The following DPP6 variants were observed in gnomAD, a reference collection of about 807,000 sequenced individuals.
The protein encoded by DPP6 is A-type potassium channel modulatory protein DPP6.
In DPP6, 69 loss-of-function variants were observed where a neutral mutation model predicts 122.6. That is an observed-to-expected ratio of 0.56 (90% CI 0.46 to 0.69). The LOEUF (loss-of-function observed/expected upper bound fraction) is 0.69, where lower values mean the gene tolerates loss of function less well. DPP6 is among the 30% of genes least tolerant of loss of function. The pLI is 0.00. For synonymous variants in DPP6, 418 were observed against 433.1 expected, an observed-to-expected ratio of 0.97 and a Z score of 0.43; for missense variants, 928 against 1,116.9, an observed-to-expected ratio of 0.83 and a Z score of 2.41.
chr7:154,543,929 G>C (rs948116048), intron 4 of DPP6, among the ~76,000 whole-genome samples: 1 of 147,940 alleles, frequency 6.8e-6, no homozygotes, highest in Non-Finnish European at 1.5e-5. Flanking sequence ...GAGAGTTGGA[G>C]GTTGCAGTGA....
Position 154,892,553 on chromosome 7 carries a change from C to A in DPP6, c.*73C>A. 6.4e-7 allele frequency: 1 copy of A among 1,572,144 alleles called. No homozygotes were observed. Among genetic ancestry groups the A allele is most frequent in the South Asian group, 1.1e-5 (1 of 87,454 alleles). Reference sequence around the variant, plus strand: ...CAACCGAGGGATTTCCCTGCCCTCCCTCTTCCCTCGGAGGGGCGGGGCGGG... The same window carrying A: ...CAACCGAGGGATTTCCCTGCCCTCCATCTTCCCTCGGAGGGGCGGGGCGGG... On this transcript the variant is annotated 3_prime_UTR_variant, in exon 26 of 26. Transcript: ENST00000377770.
At chr7:154,205,434 G>C (rs4565382) in intron 1 of DPP6, among the ~76,000 whole-genome samples, 149,606 of 152,350 alleles carry the variant, frequency 0.98, 73,466 homozygotes, top group East Asian at 1. Context: ...TGGAGCCATA[G>C]GTGTGTGACC....
intron 1 of DPP6, among the ~76,000 whole-genome samples, chr7:154,360,461 TC>T (rs1332939239): frequency 2.0e-5 from 3 of 152,186 alleles, no homozygotes; most frequent in African/African-American, 7.2e-5. Context: ...TACAAGATGA[TC>T]GTTCCAGACA....
chr7:154,257,320 C>T (rs1802721057), intron 1 of DPP6, among the ~76,000 whole-genome samples: 1 of 151,974 alleles, frequency 6.6e-6, no homozygotes, highest in South Asian at 2.1e-4. Context: ...CCAACCACAC[C>T]CTCCCCATCA....
intron 21 of DPP6, among the ~76,000 whole-genome samples, chr7:154,883,323 T>G (rs1427960588): frequency 8.4e-6 from 1 of 119,014 alleles, no homozygotes; most frequent in African/African-American, 3.3e-5. Flanking sequence ...TGCTCACACA[T>G]ACACATGGTG....
At chr7:153,766,572 A>G in the DPP6 span, among the ~76,000 whole-genome samples, 3 of 152,212 alleles carry the variant, frequency 2.0e-5, no homozygotes, top group Non-Finnish European at 4.4e-5. Context: ...TTTGACAGTG[A>G]AGATACAAGA....
chr7:154,127,638 C>CACACACACACACACACACACACACAG (rs1808014044), intron 1 of DPP6, among the ~76,000 whole-genome samples: 2 of 109,100 alleles, frequency 1.8e-5, no homozygotes, highest in African/African-American at 8.5e-5. Flanking sequence ...CACACAGACA[C>CACACACACACACACACACACACACAG]ACACACACAC....
chr7:154,336,735 C>A (rs1809460558), intron 1 of DPP6, among the ~76,000 whole-genome samples: 1 of 152,080 alleles, frequency 6.6e-6, no homozygotes, highest in South Asian at 2.1e-4. Flanking sequence ...AGGATTGTGG[C>A]AACTGGAAGG....
intron 17 of DPP6, among the ~76,000 whole-genome samples, chr7:154,859,159 T>A (rs543710246): frequency 1.3e-5 from 2 of 152,298 alleles, no homozygotes; most frequent in African/African-American, 4.8e-5. Flanking sequence ...GAGCTGCTGG[T>A]CAAAAATCAC....
chr7:153,868,388 A>T, the DPP6 span, among the ~76,000 whole-genome samples: 1 of 152,116 alleles, frequency 6.6e-6, no homozygotes, highest in Non-Finnish European at 1.5e-5. Context: ...GGGAGGGTGT[A>T]TGTGTCTAGG....
intron 1 of DPP6, among the ~76,000 whole-genome samples, chr7:154,443,473 A>T (rs1819557460): frequency 6.7e-6 from 1 of 148,188 alleles, no homozygotes; most frequent in South Asian, 2.1e-4. Context: ...CTAGATAAAC[A>T]TGTGTTGGAT....
intron 1 of DPP6, among the ~76,000 whole-genome samples, chr7:154,151,457 C>T (rs186222761): frequency 6.6e-6 from 1 of 152,270 alleles, no homozygotes; most frequent in Non-Finnish European, 1.5e-5. Context: ...ATTTTGGTCT[C>T]GACACGGTTC....
chr7:154,446,833 A>C lies in DPP6; in HGVS notation c.358+505A>C, dbSNP rs184786048. Among the ~76,000 whole-genome samples, 966 of 152,336 alleles carry C rather than the reference A, an allele frequency of 6.3e-3. 12 individuals are homozygous for C. The highest frequency in any genetic ancestry group is 0.022 in the African/African-American group (915 of 41,582). ...ACCTACAACAAATACAGATATATAC[A>C]TGCACTATTGAGTAAGCCAAAGAGA... On this transcript the variant is annotated intron_variant, in intron 2 of 25. Coordinates refer to ENST00000377770, the MANE Select transcript of DPP6 (RefSeq NM_130797.4).
At chr7:154,608,860 G>C (rs556697926) in intron 5 of DPP6, among the ~76,000 whole-genome samples, 1 of 152,100 alleles carries the variant, frequency 6.6e-6, no homozygotes, top group Non-Finnish European at 1.5e-5. Context: ...AGTCATCTCC[G>C]TGAATATCTG....
the DPP6 span, among the ~76,000 whole-genome samples, chr7:153,832,760 G>A: frequency 6.6e-6 from 1 of 151,204 alleles, no homozygotes; most frequent in African/African-American, 2.5e-5. Flanking sequence ...ATTTTTTTCT[G>A]TAAGCACACG....
chr7:154,794,915 G>A (rs1047102290), intron 11 of DPP6, among the ~76,000 whole-genome samples: 1 of 51,886 alleles, frequency 1.9e-5, no homozygotes, highest in Non-Finnish European at 4.2e-5. Context: ...TTGATCTTAA[G>A]TTTCTGTCTC....
At chr7:154,385,350 G>A (rs1814011148) in intron 1 of DPP6, among the ~76,000 whole-genome samples, 1 of 152,122 alleles carries the variant, frequency 6.6e-6, no homozygotes, top group South Asian at 2.1e-4. Flanking sequence ...CCGTGGGGTT[G>A]TGAATCAAGT....
At chr7:154,511,844 A>G (rs905299585) in intron 3 of DPP6, among the ~76,000 whole-genome samples, 13 of 152,174 alleles carry the variant, frequency 8.5e-5, no homozygotes, top group Non-Finnish European at 7.4e-5. Flanking sequence ...TTATTCAAAC[A>G]TTAGTTGGTG....
rs966728250 is a variant in DPP6 at position 154,100,964 on chromosome 7, G to T, written c.243+47901G>T. The stretch of plus-strand genomic sequence containing the variant: ...GACCCCAAACGAGGCTCACCTCCCC[G>T]TGACCGTGCAGCGTGCTGCTGGTCC... On this transcript the variant is annotated intron_variant, in intron 1 of 25. Transcript: ENST00000377770. 2.0e-4 allele frequency among the ~76,000 whole-genome samples: 28 copies of T among 140,608 alleles called. 6 individuals are homozygous for T. Among genetic ancestry groups the T allele is most frequent in the Non-Finnish European group, 3.5e-4 (22 of 63,298 alleles). The allele number at this position is 140,608 out of a possible 152,430, so 92.2% of individuals were successfully genotyped here.
Sources: allele counts gnomAD v4.1 joint callset (sites outside exome capture counted in the v4.1 genomes callset), GRCh38; gene constraint gnomAD v4.1.1; transcripts MANE v1.5; gene names NCBI Gene and HGNC (gene_info 2026-07-23, HGNC 2026-07-21).